TNRC6A: variants seen among roughly 807,000 people sequenced by gnomAD.
TNRC6A encodes trinucleotide repeat-containing gene 6A protein.
In TNRC6A, 44 loss-of-function variants were observed where a neutral mutation model predicts 221.2. The observed-to-expected ratio is 0.20, with a 90% CI of 0.16 to 0.26. The LOEUF is 0.26. Ranked by LOEUF, TNRC6A falls within the 10% of genes least tolerant of loss-of-function variation. TNRC6A has a pLI of 1.00. For synonymous variants in TNRC6A, 847 were observed against 838.5 expected (o/e 1.01, Z -0.18); for missense variants, 2,199 against 2,404.4 (o/e 0.91, Z 1.79).
chr16:24,611,499 G>A (rs372433040), intron 1 of TNRC6A, among the ~76,000 whole-genome samples: 2 of 152,010 alleles, frequency 1.3e-5, no homozygotes, highest in Admixed American at 1.3e-4. Flanking sequence ...AGGAGACAAG[G>A]CACTCGGACC....
intron 2 of TNRC6A, chr16:24,664,809 A>G: frequency 2.2e-6 from 1 of 445,762 alleles, no homozygotes; most frequent in Non-Finnish European, 4.5e-6. Context: ...ACACACACAC[A>G]CACAAAACCT....
intron 1 of TNRC6A, among the ~76,000 whole-genome samples, chr16:24,626,359 T>C (rs376342017): frequency 1.3e-5 from 2 of 152,140 alleles, no homozygotes; most frequent in East Asian, 3.8e-4. Context: ...CTAAACATTT[T>C]TACATTGAGA....
At chr16:24,723,184 C>T (rs2056440098) in intron 2 of TNRC6A, among the ~76,000 whole-genome samples, 1 of 152,212 alleles carries the variant, frequency 6.6e-6, no homozygotes, top group Admixed American at 6.5e-5. Flanking sequence ...CATTCCTTGG[C>T]TCTTCTCATC....
intron 9 of TNRC6A, among the ~76,000 whole-genome samples, chr16:24,796,910 C>G (rs2058232025): frequency 6.6e-6 from 1 of 152,200 alleles, no homozygotes; most frequent in Admixed American, 6.5e-5. Flanking sequence ...ATACCCCAAC[C>G]AGCCGCAGAG....
chr16:24,815,033 A>G (rs1469595413), intron 18 of TNRC6A, 114 bp from the exon 19 acceptor site: 2 of 1,182,330 alleles, frequency 1.7e-6, no homozygotes, highest in African/African-American at 3.1e-5. Context: ...TCTAGAGAAC[A>G]CAGCCTAGAG....
intron 9 of TNRC6A, among the ~76,000 whole-genome samples, chr16:24,796,747 G>C (rs1567492435): frequency 4.2e-5 from 1 of 23,852 alleles, no homozygotes; most frequent in East Asian, 6.6e-4. Context: ...AAGGGGTAAT[G>C]AAGTAATGAA....
At chr16:24,806,346 T>G (rs763199913) in intron 16 of TNRC6A, 63 bp downstream of exon 16, 98 of 1,575,414 alleles carry the variant, frequency 6.2e-5, no homozygotes, top group Non-Finnish European at 8.5e-5. Flanking sequence ...TTATCTCCAT[T>G]GTAGCAAGAG....
Position 24,826,173 on chromosome 16 carries a change from G to A in TNRC6A, c.*2366G>A, listed in dbSNP as rs1293510254. 4 of 152,678 alleles carry A rather than the reference G, an allele frequency of 2.6e-5. No individual in the cohort carries two copies. The East Asian group carries it at 7.7e-4, about 30-fold the overall frequency. The allele number at this position is 152,678 out of a possible 1,614,324, so 9.5% of individuals were successfully genotyped here. On this transcript the variant is annotated 3_prime_UTR_variant, in exon 25 of 25. Coordinates refer to ENST00000395799, the MANE Select transcript of TNRC6A (RefSeq NM_014494.4). ...TTAATTGTATTGTTAAAGTGTTTGG[G>A]AGTTTTTTGCGCTTGTTATGTGGAA...
intron 22 of TNRC6A, among the ~76,000 whole-genome samples, chr16:24,821,232 A>G (rs2058759528): frequency 6.6e-6 from 1 of 152,190 alleles, no homozygotes; most frequent in African/African-American, 2.4e-5. Context: ...TGGAGGCCGC[A>G]GACATCTGTC....
chr16:24,708,244 G>GTTC (rs1555492246), intron 2 of TNRC6A, among the ~76,000 whole-genome samples: 25,593 of 138,436 alleles, frequency 0.18, 3,442 homozygotes, highest in East Asian at 0.44. Context: ...ACATGGATGA[G>GTTC]TTTTTTTTTT....
chr16:24,687,843 G>GGAAGAAGAATAA (rs2055661603), intron 2 of TNRC6A, among the ~76,000 whole-genome samples: 1 of 101,856 alleles, frequency 9.8e-6, no homozygotes, highest in African/African-American at 3.4e-5. Flanking sequence ...AAGAGGAAGA[G>GGAAGAAGAATAA]GAAGAAGAAG....
chr16:24,736,369 A>G (rs532975385), intron 2 of TNRC6A, among the ~76,000 whole-genome samples: 7 of 152,202 alleles, frequency 4.6e-5, no homozygotes, highest in Non-Finnish European at 7.4e-5. Context: ...GATCACCCAC[A>G]GGAAGTTTAA....
chr16:24,649,513 T>C (rs569701170), intron 2 of TNRC6A, among the ~76,000 whole-genome samples: 1 of 151,922 alleles, frequency 6.6e-6, no homozygotes, highest in African/African-American at 2.4e-5. Context: ...CTCCCTATGT[T>C]GCCCAGGTTG....
intron 1 of TNRC6A, among the ~76,000 whole-genome samples, chr16:24,625,652 G>C: frequency 6.6e-6 from 1 of 151,180 alleles, no homozygotes; most frequent in South Asian, 2.1e-4. Flanking sequence ...CGTGAACCCG[G>C]GAGGCGGAGC....
At chr16:24,669,708 TC>T (rs1009414018) in intron 2 of TNRC6A, among the ~76,000 whole-genome samples, 7 of 152,010 alleles carry the variant, frequency 4.6e-5, no homozygotes, top group Admixed American at 6.6e-5. Flanking sequence ...TGATTCATCA[TC>T]CTGTCCTCAG....
At chr16:24,643,095 T>TATATATATATATAAA (rs1195233291) in intron 2 of TNRC6A, among the ~76,000 whole-genome samples, 21 of 63,796 alleles carry the variant, frequency 3.3e-4, no homozygotes, top group Admixed American at 1.3e-3. Context: ...ATATATATTT[T>TATATATATATATAAA]ATATATATAT....
chr16:24,620,882 G>T (rs577360022), intron 1 of TNRC6A, among the ~76,000 whole-genome samples: 11 of 151,772 alleles, frequency 7.2e-5, no homozygotes, highest in African/African-American at 1.9e-4. Context: ...TCAAGAGATC[G>T]AGACCATCCT....
intron 2 of TNRC6A, among the ~76,000 whole-genome samples, chr16:24,644,118 G>A (rs1269333378): frequency 1.8e-5 from 2 of 110,590 alleles, no homozygotes; most frequent in Admixed American, 1.4e-4. Flanking sequence ...ACAGAGTCTC[G>A]CTCTGTCGCC....
chr16:24,725,680 G>C (rs2056478743), upstream of TNRC6A, among the ~76,000 whole-genome samples: 1 of 150,736 alleles, frequency 6.6e-6, no homozygotes, highest in Non-Finnish European at 1.5e-5. Flanking sequence ...GCCATAGTTT[G>C]TAATTATACA....
Sources: gnomAD v4.1 joint callset for allele counts (sites outside exome capture counted in the v4.1 genomes callset) on GRCh38, gnomAD v4.1.1 for gene constraint, MANE v1.5 for transcripts, NCBI Gene and HGNC (gene_info 2026-07-23, HGNC 2026-07-21) for gene names.